Variants in LIN9 observed in about 807,000 individuals in gnomAD.
The protein encoded by LIN9 is lin-9 DREAM MuvB core complex component, also known as protein lin-9 homolog.
LIN9 carries 18 observed loss-of-function variants against 78.0 expected under a neutral mutation model. That is an observed-to-expected ratio of 0.23 (90% CI 0.16 to 0.34). The LOEUF (loss-of-function observed/expected upper bound fraction) is 0.34, where lower values mean the gene tolerates loss of function less well. LIN9 is among the 10% of genes least tolerant of loss of function. LIN9 has a pLI of 1.00. For synonymous variants in LIN9, 192 were observed against 215.2 expected (o/e 0.89, Z 0.94); for missense variants, 451 against 644.1 (o/e 0.70, Z 3.25).
In LIN9 at chr1:226,267,967, T is replaced by C. The variant is rs566708628; in HGVS notation, c.806A>G (p.Tyr269Cys). ...TGLGTHTIPDYEVLSNEPHET... is the reference protein window; with the variant it reads ...TGLGTHTIPDCEVLSNEPHET... ...TGAAATACTACTTACGAGAACTTCA[T>C]AGTCAGGGATGGTATGGGTTCCAAG... is the stretch of plus-strand genomic sequence containing the variant. Residue 269 changes from tyrosine to cysteine, a missense_variant, in exon 8 of 15, where the codon TAT becomes TGT. Coordinates refer to ENST00000681046, the MANE Select transcript of LIN9 (RefSeq NM_001366245.2). 3.7e-5 allele frequency: 59 copies of C among 1,612,932 alleles called. No homozygotes were observed. Among genetic ancestry groups the C allele is most frequent in the Non-Finnish European group, 4.7e-5 (56 of 1,179,478 alleles).
At chr1:226,259,476 A>T (rs1465829207) in intron 10 of LIN9, among the ~76,000 whole-genome samples, 2 of 152,180 alleles carry the variant, frequency 1.3e-5, no homozygotes, top group East Asian at 3.8e-4. Context: ...AGACTACTTC[A>T]TCCAACAACC....
intron 1 of LIN9, among the ~76,000 whole-genome samples, chr1:226,305,722 A>G (rs1247830022): frequency 3.9e-5 from 6 of 152,102 alleles, no homozygotes; most frequent in African/African-American, 7.2e-5. Flanking sequence ...AATTTACCCC[A>G]AGGGATAGAA....
chr1:226,269,688 T>G (rs1264221740), intron 7 of LIN9, among the ~76,000 whole-genome samples: 1 of 152,172 alleles, frequency 6.6e-6, no homozygotes, highest in South Asian at 2.1e-4. Context: ...TCATGGAAAC[T>G]AGAGAGCCAT....
intron 4 of LIN9, among the ~76,000 whole-genome samples, chr1:226,295,542 A>G (rs147420675): frequency 1.8e-3 from 278 of 152,176 alleles, no homozygotes; most frequent in Non-Finnish European, 3.1e-3. Flanking sequence ...GTGATCAAGT[A>G]AAACATTTTT....
At chr1:226,232,874 C>A in intron 14 of LIN9, 1 of 494,314 alleles carries the variant, frequency 2.0e-6, no homozygotes. Context: ...AACCTCCATG[C>A]TGACCCCAAA....
chr1:226,307,274 A>G (rs977634696), intron 1 of LIN9, among the ~76,000 whole-genome samples: 10 of 152,246 alleles, frequency 6.6e-5, no homozygotes, highest in Non-Finnish European at 1.3e-4. Flanking sequence ...AAGGATGATG[A>G]AAAACATTTT....
At chr1:226,251,063 G>T (rs891155276) in intron 10 of LIN9, 144 bp from the exon 11 acceptor site, 10 of 459,610 alleles carry the variant, frequency 2.2e-5, no homozygotes, top group South Asian at 5.7e-5. Flanking sequence ...CATTGTTTTG[G>T]TTTTTTTTTC....
At chr1:226,256,849 A>G (rs1659231648) in intron 10 of LIN9, among the ~76,000 whole-genome samples, 1 of 151,888 alleles carries the variant, frequency 6.6e-6, no homozygotes, top group Non-Finnish European at 1.5e-5. Flanking sequence ...GAGCCACCGC[A>G]CCCGGCCAAT....
intron 7 of LIN9, 131 bp downstream of exon 7, chr1:226,277,644 G>A: frequency 1.3e-6 from 1 of 789,614 alleles, no homozygotes; most frequent in South Asian, 1.9e-5. Flanking sequence ...GATAGGGTGA[G>A]GGTTAACGAT....
intron 2 of LIN9, among the ~76,000 whole-genome samples, chr1:226,299,724 C>T (rs1662396125): frequency 6.6e-6 from 1 of 152,132 alleles, no homozygotes; most frequent in Non-Finnish European, 1.5e-5. Context: ...GAATATTTAG[C>T]TTGGTTCCAA....
At chr1:226,300,224 C>G (rs1465015606) in intron 2 of LIN9, among the ~76,000 whole-genome samples, 1 of 152,074 alleles carries the variant, frequency 6.6e-6, no homozygotes, top group Non-Finnish European at 1.5e-5. Context: ...AGGCGTGAGC[C>G]ACCGTGCCCA....
chr1:226,294,302 T>G (rs1471375939), intron 4 of LIN9, among the ~76,000 whole-genome samples: 1 of 146,896 alleles, frequency 6.8e-6, no homozygotes, highest in Non-Finnish European at 1.5e-5. Context: ...AAAACCTGGC[T>G]GGGCGCAGTG....
At chr1:226,305,485 C>A (rs758662829) in intron 1 of LIN9, among the ~76,000 whole-genome samples, 1 of 151,838 alleles carries the variant, frequency 6.6e-6, no homozygotes, top group Admixed American at 6.6e-5. Context: ...AGAGGGAGAC[C>A]CTGTCTCTTT....
At chr1:226,263,363 A>G (rs1277938843) in intron 10 of LIN9, among the ~76,000 whole-genome samples, 2 of 152,204 alleles carry the variant, frequency 1.3e-5, no homozygotes, top group Non-Finnish European at 2.9e-5. Flanking sequence ...GGGAGACTAC[A>G]CATGTGTGGG....
chr1:226,236,795 C>T (rs1657748288), intron 12 of LIN9, among the ~76,000 whole-genome samples: 1 of 152,144 alleles, frequency 6.6e-6, no homozygotes, highest in African/African-American at 2.4e-5. Context: ...TTTGTGAGAT[C>T]CATCTATGGC....
upstream of LIN9, chr1:226,309,704 G>T (rs964343757): frequency 2.3e-5 from 29 of 1,287,148 alleles, no homozygotes; most frequent in East Asian, 1.6e-3. Context: ...AGCCCCCTGC[G>T]CGTCGCGACG....
At chr1:226,233,267 A>G (rs1405482446) in intron 13 of LIN9, 74 bp from the exon 14 acceptor site, 2 of 1,521,462 alleles carry the variant, frequency 1.3e-6, no homozygotes, top group East Asian at 2.3e-5. Context: ...GATATAATCA[A>G]TGAATTAATT....
intron 11 of LIN9, among the ~76,000 whole-genome samples, chr1:226,244,624 A>C (rs1658345957): frequency 6.6e-6 from 1 of 152,180 alleles, no homozygotes; most frequent in African/African-American, 2.4e-5. Context: ...AGTCTGTAAA[A>C]ATATGAGCTT....
intron 7 of LIN9, among the ~76,000 whole-genome samples, chr1:226,275,693 G>GAA (rs1272770989): frequency 7.8e-6 from 1 of 128,746 alleles, no homozygotes; most frequent in Non-Finnish European, 1.6e-5. Flanking sequence ...CTCCGTCTCA[G>GAA]AAAAAAAAAA....
Sources: allele counts gnomAD v4.1 joint callset (sites outside exome capture counted in the v4.1 genomes callset), GRCh38; gene constraint gnomAD v4.1.1; transcripts MANE v1.5; gene names NCBI Gene and HGNC (gene_info 2026-07-23, HGNC 2026-07-21).